SPEF2: variants seen among roughly 807,000 people sequenced by gnomAD.
The protein encoded by SPEF2 is sperm flagella and cilia-associated protein 2.
Under a neutral mutation model 224.6 loss-of-function variants are expected in SPEF2, and 187 were observed. The ratio of observed to expected loss-of-function variants is 0.83; its 90% CI spans 0.74 to 0.94. The LOEUF is 0.94. SPEF2 is among the 40% of genes least tolerant of loss of function. The pLI is 0.00. For synonymous variants in SPEF2, 715 were observed against 707.3 expected (o/e 1.01, Z -0.17); for missense variants, 2,170 against 2,135.6 (o/e 1.02, Z -0.32).
At chr5:35,765,536 C>T (rs974623345) in intron 26 of SPEF2, among the ~76,000 whole-genome samples, 8 of 152,242 alleles carry the variant, frequency 5.3e-5, no homozygotes, top group South Asian at 2.1e-4. Flanking sequence ...ACCCTTTCAC[C>T]GTTTCACCGC....
intron 24 of SPEF2, among the ~76,000 whole-genome samples, chr5:35,758,781 A>G (rs1418381785): frequency 6.6e-6 from 1 of 152,070 alleles, no homozygotes; most frequent in East Asian, 1.9e-4. Flanking sequence ...CGAGGTGGAC[A>G]GATCTCCTGA....
chr5:35,738,017 A>G (rs1222044140), intron 21 of SPEF2, among the ~76,000 whole-genome samples: 1 of 152,108 alleles, frequency 6.6e-6, no homozygotes, highest in East Asian at 1.9e-4. Flanking sequence ...GTCTTCTTTT[A>G]AGAAGTGTCT....
chr5:35,793,175 C>A lies in SPEF2; in HGVS notation c.4571C>A (p.Ser1524Tyr). 1 of 1,613,938 alleles carries A rather than the reference C, an allele frequency of 6.2e-7. No homozygotes were observed. The highest frequency in any genetic ancestry group is 8.5e-7 in the Non-Finnish European group (1 of 1,179,910). Reference sequence around the variant, plus strand: ...TTCTTCTAGTTACAGGAATTAACATCTTTATTAACAGTCAACTCCGAGTTC... The same window carrying A: ...TTCTTCTAGTTACAGGAATTAACATATTTATTAACAGTCAACTCCGAGTTC... ...LTQPELQELT[S>Y]LLTVNSEFVD... Residue 1524 changes from serine to tyrosine, a missense_variant, in exon 32 of 37, where the codon TCT becomes TAT. Coordinates refer to ENST00000356031, the MANE Select transcript of SPEF2 (RefSeq NM_024867.4).
In SPEF2 at chr5:35,667,092, G is replaced by C. The variant is rs1282704854; in HGVS notation, c.1188G>C (p.Lys396Asn). The C allele has an allele frequency of 1.1e-5, 17 of 1,607,104 alleles. No homozygotes were observed. Among genetic ancestry groups the C allele is most frequent in the Non-Finnish European group, 1.4e-5 (16 of 1,178,136 alleles). The stretch of plus-strand genomic sequence containing the variant: ...TTTAGGCTTTGGCAAAACAAGCCAA[G>C]ATTGACTTTGAAGAACAATTCCTTA... ...DREAALAKQA[K>N]IDFEEQFLKE... The change falls in exon 9 of 37, where the codon AAG (lysine) becomes AAC (asparagine). Residue 396 changes from lysine to asparagine, a missense_variant. Lys to Asn is a moderately conservative substitution (Grantham distance 94). Transcript: ENST00000356031.
intron 2 of SPEF2, among the ~76,000 whole-genome samples, chr5:35,636,961 G>C (rs1580065843): frequency 1.4e-5 from 2 of 147,856 alleles, no homozygotes; most frequent in East Asian, 4.0e-4. Flanking sequence ...GGGTGACAGA[G>C]TGAGACTCTG....
At chr5:35,811,436 AAGTATGCATAAT>A (rs1758524245) in intron 36 of SPEF2, among the ~76,000 whole-genome samples, 1 of 152,222 alleles carries the variant, frequency 6.6e-6, no homozygotes, top group African/African-American at 2.4e-5. Flanking sequence ...TGAAAAAAAT[AAGTATGCATAAT>A]TGTAATAATG....
rs1758183509 is a variant in SPEF2, at chr5:35,807,169, C to G, written c.5295C>G (p.Asn1765Lys). 6.2e-7 allele frequency: 1 copy of G among 1,613,722 alleles called. No individual in the cohort carries two copies. Among genetic ancestry groups the G allele is most frequent in the African/African-American group, 1.3e-5 (1 of 74,984 alleles). Reference protein sequence around the residue: ...IKTFQDLGAKNLEPIEVAVLL... With the variant: ...IKTFQDLGAKKLEPIEVAVLL... ...CATTTCAAGACCTAGGTGCCAAGAA[C>G]CTGGAGCCAATTGAAGTCGCTGTTC... The change falls in exon 36 of 37, where the codon AAC becomes AAG. Residue 1765 changes from asparagine to lysine, a missense_variant. Asn to Lys is a moderately conservative substitution (Grantham distance 94, BLOSUM62 0). Transcript: ENST00000356031.
intron 3 of SPEF2, 87 bp downstream of exon 3, chr5:35,641,770 C>T: frequency 7.2e-7 from 1 of 1,381,770 alleles, no homozygotes; most frequent in Non-Finnish European, 9.9e-7. Context: ...CTCAAAGAAG[C>T]CTCATTAGGC....
chr5:35,645,233 A>G (rs1747195063), intron 4 of SPEF2, among the ~76,000 whole-genome samples: 1 of 152,246 alleles, frequency 6.6e-6, no homozygotes, highest in African/African-American at 2.4e-5. Flanking sequence ...GCACTGTAAA[A>G]TCACTTTTTA....
At chr5:35,778,742 T>TA (rs1447948972) in intron 29 of SPEF2, among the ~76,000 whole-genome samples, 1 of 152,196 alleles carries the variant, frequency 6.6e-6, no homozygotes, top group Admixed American at 6.5e-5. Context: ...TACAGAGTAT[T>TA]ATGCCATATA....
intron 10 of SPEF2, among the ~76,000 whole-genome samples, chr5:35,672,757 A>G (rs1156468312): frequency 6.6e-6 from 1 of 152,128 alleles, no homozygotes; most frequent in African/African-American, 2.4e-5. Context: ...TTAATCTTCA[A>G]AAAGTTTATA....
chr5:35,777,189 T>G (rs1010872921), intron 29 of SPEF2, among the ~76,000 whole-genome samples: 11 of 152,188 alleles, frequency 7.2e-5, no homozygotes, highest in African/African-American at 2.4e-4. Flanking sequence ...GCAATTATTC[T>G]TAGAAGCAAC....
At chr5:35,724,735 T>C (rs1463876801) in intron 20 of SPEF2, among the ~76,000 whole-genome samples, 1 of 152,144 alleles carries the variant, frequency 6.6e-6, no homozygotes, top group Non-Finnish European at 1.5e-5. Context: ...GTGGCTATTA[T>C]AAAGAATAAG....
Position 35,753,647 on chromosome 5 carries a change from C to T in SPEF2, c.3354C>T (p.Asp1118=), listed in dbSNP as rs1281571241. 4.3e-6 allele frequency: 7 copies of T among 1,614,156 alleles called. No homozygotes were observed. Among genetic ancestry groups the T allele is most frequent in the Admixed American group, 1.7e-5 (1 of 60,016 alleles). The change falls in exon 24 of 37, where the codon GAC becomes GAT. Residue 1118 remains aspartate, a synonymous_variant. Transcript: ENST00000356031. ...RVNDLRDRLW[D]ICDARKEEAE... is the part of the protein sequence containing the mutation. ...AGGATCTGCGAGACCGCCTGTGGGA[C>T]ATTTGTGATGCCCGGAAGGAAGAGG...
intron 6 of SPEF2, among the ~76,000 whole-genome samples, chr5:35,650,514 A>G (rs1748033953): frequency 6.6e-6 from 1 of 152,254 alleles, no homozygotes; most frequent in South Asian, 2.1e-4. Flanking sequence ...GGTGATAAAC[A>G]GTTGGTGTCC....
intron 2 of SPEF2, among the ~76,000 whole-genome samples, chr5:35,639,273 C>G (rs540932331): frequency 6.6e-6 from 1 of 152,228 alleles, no homozygotes; most frequent in South Asian, 2.1e-4. Context: ...GAAGAGGGTC[C>G]TACTTGTATT....
intron 33 of SPEF2, among the ~76,000 whole-genome samples, chr5:35,798,670 T>G (rs182487099): frequency 3.3e-5 from 5 of 152,300 alleles, no homozygotes; most frequent in Non-Finnish European, 7.4e-5. Context: ...CTCAGCTCAC[T>G]GCAACCTCCA....
chr5:35,758,835 A>C (rs1750809676), intron 24 of SPEF2, among the ~76,000 whole-genome samples: 1 of 151,872 alleles, frequency 6.6e-6, no homozygotes, highest in Non-Finnish European at 1.5e-5. Flanking sequence ...GCAAAACCCT[A>C]TCTCTACTAA....
chr5:35,734,736 A>C (rs188914184), intron 21 of SPEF2, among the ~76,000 whole-genome samples: 1 of 128,254 alleles, frequency 7.8e-6, no homozygotes, highest in East Asian at 2.2e-4. Flanking sequence ...TTTTTCAGAC[A>C]GAGTCTCACT....
Sources: gnomAD v4.1 joint callset for allele counts (sites outside exome capture counted in the v4.1 genomes callset) on GRCh38, gnomAD v4.1.1 for gene constraint, MANE v1.5 for transcripts, NCBI Gene and HGNC (gene_info 2026-07-23, HGNC 2026-07-21) for gene names.